Variants in PKHD1 observed in about 807,000 individuals in gnomAD.
PKHD1 encodes the protein PKHD1 ciliary IPT domain containing fibrocystin/polyductin, also known as fibrocystin.
Under a neutral mutation model 412.0 loss-of-function variants are expected in PKHD1, and 291 were observed. The observed-to-expected ratio is 0.71, with a 90% CI of 0.64 to 0.78. The LOEUF (loss-of-function observed/expected upper bound fraction) is 0.78, where lower values mean the gene tolerates loss of function less well. Among genes scored for constraint, PKHD1 ranks in the 30% least tolerant of loss-of-function variants. The pLI, the probability that PKHD1 is intolerant of heterozygous loss-of-function variation, is 0.00. For synonymous variants in PKHD1, 1,777 were observed against 1,821.5 expected (o/e 0.98, Z 0.62); for missense variants, 4,825 against 4,950.7 (o/e 0.97, Z 0.76).
chr6:51,983,431 A>C (rs976915507), intron 35 of PKHD1, among the ~76,000 whole-genome samples: 1 of 152,206 alleles, frequency 6.6e-6, no homozygotes, highest in African/African-American at 2.4e-5. Flanking sequence ...CTGCCTTAAC[A>C]CTTTCACAGA....
At chr6:51,938,780 T>C (rs796538782) in intron 36 of PKHD1, among the ~76,000 whole-genome samples, 17 of 151,074 alleles carry the variant, frequency 1.1e-4, no homozygotes, top group African/African-American at 3.9e-4. Flanking sequence ...GATCCACCTA[T>C]GACTTCTGGT....
intron 60 of PKHD1, among the ~76,000 whole-genome samples, chr6:51,743,376 G>A (rs558047083): frequency 1.3e-5 from 2 of 152,142 alleles, no homozygotes; most frequent in African/African-American, 2.4e-5. Context: ...ATGAATGGTG[G>A]CACCAATTAC....
rs181633758 is a variant in PKHD1, at chr6:51,996,042, G to A, written c.5751+14267C>T. On this transcript the variant is annotated intron_variant, in intron 35 of 66. Transcript: ENST00000371117. ...TTTTTTTGAAATGGAGTCTCGCTCCGTCGCCCAGACTGGAGTGCAGTGGTG... is the reference window on the plus strand; with the variant it reads ...TTTTTTTGAAATGGAGTCTCGCTCCATCGCCCAGACTGGAGTGCAGTGGTG... 4.4e-3 allele frequency among the ~76,000 whole-genome samples: 670 copies of A among 150,688 alleles called. 4 individuals carry two copies. Among genetic ancestry groups the A allele is most frequent in the Non-Finnish European group, 7.1e-3 (483 of 67,850 alleles).
intron 33 of PKHD1, among the ~76,000 whole-genome samples, chr6:52,019,650 C>G (rs1801118382): frequency 6.6e-6 from 1 of 152,196 alleles, no homozygotes; most frequent in African/African-American, 2.4e-5. Flanking sequence ...CACTAAATAG[C>G]TGCGTGACCT....
chr6:51,661,049 A>G (rs1772774714), intron 60 of PKHD1, among the ~76,000 whole-genome samples: 1 of 152,060 alleles, frequency 6.6e-6, no homozygotes, highest in South Asian at 2.1e-4. Flanking sequence ...GAAAAAAAAG[A>G]TATTCCTATC....
At chr6:51,755,701 T>C (rs576913626) in intron 55 of PKHD1, among the ~76,000 whole-genome samples, 8 of 152,284 alleles carry the variant, frequency 5.3e-5, no homozygotes, top group Non-Finnish European at 1.2e-4. Context: ...AATTGCCTGC[T>C]TCATTAGCTA....
intron 52 of PKHD1, among the ~76,000 whole-genome samples, chr6:51,817,022 G>A (rs1765567128): frequency 1.3e-5 from 2 of 152,226 alleles, no homozygotes. Flanking sequence ...GGTGAAGGCA[G>A]GGATAGATAC....
rs201514497 is a variant in PKHD1 at position 51,855,970 on chromosome 6, C to T, written c.7834G>A (p.Gly2612Ser). ...YVRDTLSNPR[G>S]WMALLLDQET... ...TGGTCCAAGAGCAGAGCCATCCAGC[C>T]ACGAGGGTTAGACAATGTATCACGT... is the stretch of plus-strand genomic sequence containing the variant. Residue 2612 changes from glycine (G) to serine (S), a missense_variant, in exon 49 of 67, where the codon GGC becomes AGC. By Grantham distance (56) the Gly-to-Ser change is moderately conservative. Coordinates refer to ENST00000371117, the MANE Select transcript of PKHD1 (RefSeq NM_138694.4). 1.9e-6 allele frequency: 3 copies of T among 1,613,242 alleles called. No individual in the cohort carries two copies. Among genetic ancestry groups the T allele is most frequent in the South Asian group, 1.1e-5 (1 of 91,046 alleles).
chr6:51,982,120 G>C (rs1795431224), intron 35 of PKHD1, among the ~76,000 whole-genome samples: 1 of 58,846 alleles, frequency 1.7e-5, no homozygotes, highest in South Asian at 6.2e-4. Flanking sequence ...CCTCCGTCCG[G>C]CAGCCACCCC....
At chr6:51,859,615 G>T (rs1367323418) in intron 48 of PKHD1, among the ~76,000 whole-genome samples, 1 of 151,598 alleles carries the variant, frequency 6.6e-6, no homozygotes, top group Admixed American at 6.6e-5. Context: ...CCAGCAATGT[G>T]GTCCCAAGAA....
intron 59 of PKHD1, among the ~76,000 whole-genome samples, chr6:51,745,819 A>G (rs565589029): frequency 1.3e-5 from 2 of 152,316 alleles, no homozygotes; most frequent in South Asian, 4.1e-4. Context: ...AGCCCGGGAT[A>G]AGACATGAAC....
At chr6:51,639,409 G>A (rs1051835964) in intron 63 of PKHD1, among the ~76,000 whole-genome samples, 1 of 151,848 alleles carries the variant, frequency 6.6e-6, no homozygotes, top group Admixed American at 6.6e-5. Flanking sequence ...TATCTTTCTA[G>A]GTGGTCAGTT....
intron 60 of PKHD1, among the ~76,000 whole-genome samples, chr6:51,742,638 T>C (rs1165517538): frequency 6.6e-6 from 1 of 152,140 alleles, no homozygotes; most frequent in Non-Finnish European, 1.5e-5. Flanking sequence ...TTATAATCCA[T>C]TCATTTGATC....
chr6:52,003,792 C>T (rs1372009832), intron 35 of PKHD1, among the ~76,000 whole-genome samples: 3 of 152,112 alleles, frequency 2.0e-5, no homozygotes, highest in Admixed American at 1.3e-4. Context: ...GTAAGTCCTC[C>T]AATTTTGTTC....
intron 13 of PKHD1, 69 bp from the exon 14 acceptor site, chr6:52,062,729 T>C (rs1230214150): frequency 6.3e-7 from 1 of 1,592,270 alleles, no homozygotes; most frequent in Non-Finnish European, 8.6e-7. Flanking sequence ...TACTTTATTT[T>C]AAATTACAAG....
At chr6:51,978,871 G>A (rs1022191400) in intron 35 of PKHD1, among the ~76,000 whole-genome samples, 1 of 152,168 alleles carries the variant, frequency 6.6e-6, no homozygotes, top group African/African-American at 2.4e-5. Flanking sequence ...TTGAACTGAA[G>A]GAGAAAGTGT....
intron 29 of PKHD1, 35 bp downstream of exon 29, chr6:52,032,995 A>G (rs1303433711): frequency 1.3e-6 from 2 of 1,583,490 alleles, no homozygotes; most frequent in Non-Finnish European, 1.7e-6. Flanking sequence ...CAATGCTCTA[A>G]GAAGAAAAAG....
chr6:52,028,517 C>A (rs1802567810), intron 29 of PKHD1, among the ~76,000 whole-genome samples, 166 bp from the exon 30 acceptor site: 1 of 130,896 alleles, frequency 7.6e-6, no homozygotes, highest in Admixed American at 9.0e-5. Context: ...CTTCTAACAA[C>A]TATTTTTTTT....
intron 35 of PKHD1, among the ~76,000 whole-genome samples, chr6:51,966,544 T>C (rs902739483): frequency 2.0e-5 from 3 of 152,154 alleles, no homozygotes; most frequent in African/African-American, 7.2e-5. Context: ...AAAATGTAGG[T>C]ATTACTCTTT....
Sources: allele counts gnomAD v4.1 joint callset (sites outside exome capture counted in the v4.1 genomes callset), GRCh38; gene constraint gnomAD v4.1.1; transcripts MANE v1.5; gene names NCBI Gene and HGNC (gene_info 2026-07-23, HGNC 2026-07-21).